SORBS2: variants seen among roughly 807,000 people sequenced by gnomAD.
The protein encoded by SORBS2 is sorbin and SH3 domain-containing protein 2.
SORBS2 carries 46 observed loss-of-function variants against 97.7 expected under a neutral mutation model. The ratio of observed to expected loss-of-function variants is 0.47; its 90% CI spans 0.37 to 0.60. The LOEUF (loss-of-function observed/expected upper bound fraction) is 0.60, where lower values mean the gene tolerates loss of function less well. Ranked by LOEUF, SORBS2 falls within the 20% of genes least tolerant of loss-of-function variation. The pLI, the probability that SORBS2 is intolerant of heterozygous loss-of-function variation, is 0.00. For synonymous variants in SORBS2, 476 were observed against 473.4 expected (o/e 1.01, Z -0.07); for missense variants, 1,316 against 1,282.3 (o/e 1.03, Z -0.40).
intron 2 of SORBS2, among the ~76,000 whole-genome samples, chr4:185,751,617 GATAC>G (rs2098800846): frequency 6.6e-6 from 1 of 152,116 alleles, no homozygotes; most frequent in Admixed American, 6.5e-5. Context: ...AAAGAGTGTA[GATAC>G]ATACTGACCA....
intron 1 of SORBS2, among the ~76,000 whole-genome samples, chr4:185,848,346 A>G (rs546274767): frequency 8.5e-5 from 13 of 152,274 alleles, no homozygotes; most frequent in African/African-American, 3.1e-4. Flanking sequence ...GTTATTGGAC[A>G]AGGAATGGTA....
chr4:185,607,250 TC>T lies in SORBS2; in HGVS notation c.2796+4529del. On this transcript the variant is annotated intron_variant, in intron 12 of 14. Coordinates refer to ENST00000418609, the Ensembl canonical transcript of SORBS2. The surrounding 1 kb of genome is among the most constrained non-coding windows in gnomAD (Gnocchi z 5.2). ...GGGTTTGCTGGTAGACATGAGGCTG[TC>T]AGGGACAACCAGCCCTGGCCAGTTC... is the stretch of plus-strand genomic sequence containing the variant. 1 of 1,231,292 alleles carries T rather than the reference TC, an allele frequency of 8.1e-7. No individual in the cohort carries two copies. Among genetic ancestry groups the T allele is most frequent in the Non-Finnish European group, 1.0e-6 (1 of 964,016 alleles). 76.3% of individuals were successfully genotyped at this position (1,231,292 alleles called of 1,614,324 possible). A position where few individuals can be genotyped will look rare whatever the true frequency, so the allele number is the denominator to read the frequency against.
chr4:185,756,147 A>C (rs2098829086), intron 2 of SORBS2, among the ~76,000 whole-genome samples: 1 of 152,182 alleles, frequency 6.6e-6, no homozygotes, highest in Non-Finnish European at 1.5e-5. Context: ...CATTAGAAAG[A>C]TGTTCCAAGA....
chr4:185,821,451 T>C (rs549664372), intron 1 of SORBS2, among the ~76,000 whole-genome samples: 7 of 152,126 alleles, frequency 4.6e-5, no homozygotes, highest in South Asian at 2.1e-4. Flanking sequence ...TGAGATGGAG[T>C]CTCGCTCTGT....
At chr4:185,789,789 T>G (rs1172979727) in intron 1 of SORBS2, among the ~76,000 whole-genome samples, 1 of 152,126 alleles carries the variant, frequency 6.6e-6, no homozygotes, top group Non-Finnish European at 1.5e-5. Flanking sequence ...GCATTAGAAG[T>G]TTTTGAAAAT....
intron 2 of SORBS2, chr4:185,774,588 G>C (rs1366404716): frequency 6.6e-6 from 1 of 152,112 alleles, no homozygotes; most frequent in Non-Finnish European, 1.5e-5. Context: ...ACATTGTCAC[G>C]TTAGAGAAAC....
At chr4:185,691,907 G>T (rs1327175399) in intron 2 of SORBS2, among the ~76,000 whole-genome samples, 2 of 152,166 alleles carry the variant, frequency 1.3e-5, no homozygotes, top group African/African-American at 2.4e-5. Context: ...ACCACGCTCG[G>T]ATAATTTCTT....
upstream of SORBS2, among the ~76,000 whole-genome samples, chr4:185,659,109 T>C (rs1049633726): frequency 1.3e-5 from 2 of 152,220 alleles, no homozygotes; most frequent in African/African-American, 2.4e-5. Flanking sequence ...CTGCTATTAC[T>C]ATGATTATGA....
intron 1 of SORBS2, among the ~76,000 whole-genome samples, chr4:185,817,795 C>T (rs2099194191): frequency 6.6e-6 from 1 of 152,224 alleles, no homozygotes; most frequent in East Asian, 1.9e-4. Context: ...TGAAGAAGAT[C>T]ATGCTAAAGC....
At chr4:185,865,471 C>T (rs938656767) in intron 1 of SORBS2, among the ~76,000 whole-genome samples, 1 of 152,138 alleles carries the variant, frequency 6.6e-6, no homozygotes, top group Admixed American at 6.5e-5. Context: ...GTATTATTAC[C>T]GGTCTCCCTT....
At chr4:185,823,745 G>A (rs2099198174) in intron 1 of SORBS2, among the ~76,000 whole-genome samples, 1 of 152,126 alleles carries the variant, frequency 6.6e-6, no homozygotes, top group African/African-American at 2.4e-5. Flanking sequence ...ACAGTCAGAG[G>A]AAAGAAGAAC....
At chr4:185,932,566 C>T (rs1236778065) in intron 1 of SORBS2, among the ~76,000 whole-genome samples, 1 of 152,150 alleles carries the variant, frequency 6.6e-6, no homozygotes, top group Non-Finnish European at 1.5e-5. Flanking sequence ...TACCGCACGG[C>T]ATTTTCTCTT....
Position 185,651,724 on chromosome 4 carries a change from C to T in SORBS2, c.91+938G>A, listed in dbSNP as rs374110558. The T allele has an allele frequency of 4.7e-5, 43 of 920,178 alleles. 1 individual carries two copies. Among genetic ancestry groups the T allele is most frequent in the East Asian group, 1.2e-4 (5 of 41,644 alleles). The allele number at this position is 920,178 out of a possible 1,614,324, so 57.0% of individuals were successfully genotyped here. A position where few individuals can be genotyped will look rare whatever the true frequency, so the allele number is the denominator to read the frequency against. ...AGAAGGGGAAAAAAGGTGACCGTGT[C>T]GTTCTTCCAAACATTGCTGAGCATA... On this transcript the variant is annotated intron_variant, in intron 2 of 14. Transcript: ENST00000418609.
intron 1 of SORBS2, among the ~76,000 whole-genome samples, chr4:185,817,123 G>T (rs1235255540): frequency 2.6e-5 from 4 of 152,056 alleles, no homozygotes; most frequent in Non-Finnish European, 5.9e-5. Context: ...TATGATTGCA[G>T]CAGCTTACAG....
chr4:185,824,697 T>G (rs1018349414), intron 1 of SORBS2, among the ~76,000 whole-genome samples: 2 of 152,164 alleles, frequency 1.3e-5, no homozygotes, highest in African/African-American at 4.8e-5. Context: ...TTTTTTCTTT[T>G]TACTGAATTG....
intron 12 of SORBS2, among the ~76,000 whole-genome samples, chr4:185,608,506 A>ATACTTCTG (rs2096473688): frequency 1.4e-5 from 1 of 72,074 alleles, no homozygotes; most frequent in South Asian, 2.9e-4. Flanking sequence ...CTTCTGAAGT[A>ATACTTCTG]AAATATACTT....
intron 1 of SORBS2, among the ~76,000 whole-genome samples, chr4:185,788,640 T>C (rs2099066989): frequency 6.6e-6 from 1 of 152,196 alleles, no homozygotes; most frequent in South Asian, 2.1e-4. Flanking sequence ...ACTTATTTGG[T>C]GAATTTTATA....
rs534353037 is a variant in SORBS2 at position 185,921,144 on chromosome 4, T to C, written c.-338+35052A>G. Among the ~76,000 whole-genome samples the C allele has an allele frequency of 2.0e-4, 31 of 152,318 alleles. No homozygotes were observed. The South Asian group carries it at 6.4e-3, about 32-fold the overall frequency. ...TAGCTCATGGCTTAAGTCGTTTGCA[T>C]TATGTGTAGGTTTCAATTTTCCATG... On this transcript the variant is annotated intron_variant, in intron 1 of 20. Coordinates refer to the SORBS2 transcript ENST00000284776.
intron 1 of SORBS2, among the ~76,000 whole-genome samples, chr4:185,792,165 TCTC>T (rs1561054769): frequency 1.3e-5 from 2 of 152,196 alleles, no homozygotes; most frequent in African/African-American, 4.8e-5. Context: ...TCTAGATACA[TCTC>T]CTTATTTTGA....
Sources: gnomAD v4.1 joint callset for allele counts (sites outside exome capture counted in the v4.1 genomes callset) on GRCh38, gnomAD v4.1.1 for gene constraint, Gnocchi (gnomAD v3.1) non-coding constraint, MANE v1.5 for transcripts, NCBI Gene and HGNC (gene_info 2026-07-23, HGNC 2026-07-21) for gene names.